KCTD9: variants seen among roughly 807,000 people sequenced by gnomAD.
The protein encoded by KCTD9 is BTB/POZ domain-containing protein KCTD9.
In KCTD9, 17 loss-of-function variants were observed where a neutral mutation model predicts 53.3. The observed-to-expected ratio is 0.32, with a 90% CI of 0.22 to 0.48. The LOEUF is 0.48. Among genes scored for constraint, KCTD9 ranks in the 20% least tolerant of loss-of-function variants. The pLI, the probability that KCTD9 is intolerant of heterozygous loss-of-function variation, is 0.99. For missense variants in KCTD9, 179 were observed against 465.5 expected, an observed-to-expected ratio of 0.38 and a Z score of 5.66; for synonymous variants, 128 against 162.7, an observed-to-expected ratio of 0.79 and a Z score of 1.62.
intron 3 of KCTD9, among the ~76,000 whole-genome samples, chr8:25,443,174 C>CAAT (rs1374089750): frequency 6.6e-6 from 1 of 151,972 alleles, no homozygotes; most frequent in Non-Finnish European, 1.5e-5. Context: ...GGCATAGCAA[C>CAAT]AATAATGAAC....
chr8:25,440,104 G>A (rs1445986401), intron 4 of KCTD9, among the ~76,000 whole-genome samples: 1 of 149,102 alleles, frequency 6.7e-6, no homozygotes, highest in African/African-American at 2.5e-5. Flanking sequence ...TGTCACCCAG[G>A]CTGGAGTGCA....
chr8:25,458,375 C>T lies in KCTD9; in HGVS notation c.-129G>A. ...TCGCCTCCCTTCGCCACCTTCCTGC[C>T]CTTGGGGACACACCACACGCACGCA... is the stretch of plus-strand genomic sequence containing the variant. On this transcript the variant is annotated 5_prime_UTR_variant, in exon 1 of 12. Coordinates refer to ENST00000221200, the MANE Select transcript of KCTD9 (RefSeq NM_017634.4). The T allele has an allele frequency of 9.6e-7, 1 of 1,038,372 alleles. No homozygotes were observed. Among genetic ancestry groups the T allele is most frequent in the Non-Finnish European group, 1.5e-6 (1 of 685,668 alleles). The allele number at this position is 1,038,372 out of a possible 1,614,324, so 64.3% of individuals were successfully genotyped here. A position where few individuals can be genotyped will look rare whatever the true frequency, so the allele number is the denominator to read the frequency against.
intron 3 of KCTD9, among the ~76,000 whole-genome samples, chr8:25,443,404 C>T (rs1802157587): frequency 6.6e-6 from 1 of 152,124 alleles, no homozygotes; most frequent in South Asian, 2.1e-4. Flanking sequence ...TTAAGACCAT[C>T]TGAACATCAA....
chr8:25,446,093 C>T, intron 2 of KCTD9, 36 bp downstream of exon 2: 2 of 1,604,134 alleles, frequency 1.2e-6, no homozygotes, highest in Non-Finnish European at 1.7e-6. Flanking sequence ...GAAGTTGAGG[C>T]ACACTGTTGA....
At chr8:25,455,669 T>G (rs187697931) in intron 1 of KCTD9, among the ~76,000 whole-genome samples, 29 of 152,332 alleles carry the variant, frequency 1.9e-4, no homozygotes, top group African/African-American at 6.7e-4. Context: ...TGAGGGTTAA[T>G]TTGGTTAAAA....
intron 3 of KCTD9, among the ~76,000 whole-genome samples, chr8:25,441,617 T>G (rs909539517): frequency 6.6e-6 from 1 of 152,094 alleles, no homozygotes; most frequent in African/African-American, 2.4e-5. Flanking sequence ...TTTTAAAGAC[T>G]AAAGCAAAAG....
chr8:25,440,728 G>C, intron 3 of KCTD9, 55 bp from the exon 4 acceptor site: 2 of 1,217,030 alleles, frequency 1.6e-6, no homozygotes, highest in South Asian at 2.4e-5. Flanking sequence ...ATTCTGGGAA[G>C]ATGGTAATGG....
At chr8:25,454,074 A>T (rs376286082) in intron 1 of KCTD9, among the ~76,000 whole-genome samples, 1 of 152,130 alleles carries the variant, frequency 6.6e-6, no homozygotes, top group African/African-American at 2.4e-5. Context: ...TGTTTTAGAG[A>T]TGGGATCTCA....
At chr8:25,458,104 T>G (rs1414812753) in intron 1 of KCTD9, 95 bp downstream of exon 1, 45 of 1,238,050 alleles carry the variant, frequency 3.6e-5, no homozygotes, top group Non-Finnish European at 4.7e-5. Context: ...TCCCAGCCCC[T>G]CTACCCAACT....
chr8:25,446,069 C>T lies in KCTD9; in HGVS notation c.170+60G>A, dbSNP rs1331656076. On this transcript the variant is annotated intron_variant, in intron 2 of 11. Transcript: ENST00000221200. ...TGATTAAATTACTGCTTAAGGGAAA[C>T]AGCATAGCACCAAGAAGTTGAGGCA... is the stretch of plus-strand genomic sequence containing the variant. 1.9e-6 allele frequency: 3 copies of T among 1,578,946 alleles called. No individual in the cohort carries two copies. The East Asian group carries it at 6.8e-5, about 36-fold the overall frequency.
chr8:25,456,940 T>C (rs1024263091), intron 1 of KCTD9, among the ~76,000 whole-genome samples: 1 of 152,238 alleles, frequency 6.6e-6, no homozygotes, highest in South Asian at 2.1e-4. Flanking sequence ...ACATACGTTT[T>C]AGATAACAGG....
At chr8:25,436,030 T>C (rs1003892745) in intron 8 of KCTD9, among the ~76,000 whole-genome samples, 5 of 152,222 alleles carry the variant, frequency 3.3e-5, no homozygotes, top group African/African-American at 1.2e-4. Context: ...GCATGAGGTA[T>C]AATTAGACAA....
At chr8:25,439,094 C>T (rs1265475215) in intron 6 of KCTD9, among the ~76,000 whole-genome samples, 185 bp downstream of exon 6, 1 of 152,112 alleles carries the variant, frequency 6.6e-6, no homozygotes, top group Non-Finnish European at 1.5e-5. Context: ...CCTGCCCGTG[C>T]CTAAATCTAT....
At chr8:25,441,291 T>G (rs956991991) in intron 3 of KCTD9, among the ~76,000 whole-genome samples, 1 of 152,098 alleles carries the variant, frequency 6.6e-6, no homozygotes, top group African/African-American at 2.4e-5. Context: ...AAGGGAACTC[T>G]AGAGCCATGA....
intron 1 of KCTD9, chr8:25,457,885 C>A (rs964230530): frequency 4.4e-6 from 1 of 225,630 alleles, no homozygotes; most frequent in Non-Finnish European, 8.6e-6. Context: ...CCCGGGCGCC[C>A]AGGTGACCGC....
At chr8:25,453,850 A>C (rs1402629092) in intron 1 of KCTD9, among the ~76,000 whole-genome samples, 1 of 152,042 alleles carries the variant, frequency 6.6e-6, no homozygotes, top group Non-Finnish European at 1.5e-5. Flanking sequence ...TTTTATGTAT[A>C]TTCTTTATTG....
At chr8:25,441,135 G>C (rs1004825298) in intron 3 of KCTD9, among the ~76,000 whole-genome samples, 32 of 151,684 alleles carry the variant, frequency 2.1e-4, no homozygotes, top group Non-Finnish European at 4.6e-4. Flanking sequence ...ATAAGATGCT[G>C]GGAAAATAAT....
intron 9 of KCTD9, among the ~76,000 whole-genome samples, chr8:25,434,303 T>C (rs1801980982): frequency 6.6e-6 from 1 of 152,192 alleles, no homozygotes; most frequent in African/African-American, 2.4e-5. Flanking sequence ...TTTCGCCATG[T>C]TGGCTAAGAT....
intron 9 of KCTD9, among the ~76,000 whole-genome samples, chr8:25,435,130 TTTC>T (rs1357648628): frequency 6.6e-6 from 1 of 152,240 alleles, no homozygotes; most frequent in East Asian, 1.9e-4. Flanking sequence ...CAAGATTTAA[TTTC>T]TTATTAGTTA....
Sources: allele counts gnomAD v4.1 joint callset (sites outside exome capture counted in the v4.1 genomes callset), GRCh38; gene constraint gnomAD v4.1.1; transcripts MANE v1.5; gene names NCBI Gene and HGNC (gene_info 2026-07-23, HGNC 2026-07-21).